CNTN4: variants seen among roughly 807,000 people sequenced by gnomAD.
CNTN4 encodes contactin-4.
A neutral mutation model predicts 122.5 loss-of-function variants in CNTN4; 77 were observed. That is an observed-to-expected ratio of 0.63 (90% CI 0.52 to 0.76). The LOEUF (loss-of-function observed/expected upper bound fraction) is 0.76. Among genes scored for constraint, CNTN4 ranks in the 30% least tolerant of loss-of-function variants. CNTN4 has a pLI of 0.00. For missense variants in CNTN4, 1,256 were observed against 1,259.1 expected (o/e 1.00, Z 0.04); for synonymous variants, 512 against 447.0 (o/e 1.15, Z -1.83).
chr3:2,693,974 T>C (rs2085879484), intron 4 of CNTN4, among the ~76,000 whole-genome samples: 1 of 152,174 alleles, frequency 6.6e-6, no homozygotes, highest in South Asian at 2.1e-4. Context: ...TCTAGGTGCC[T>C]TTCATCTTCC....
chr3:2,113,972 C>T (rs1018446278), intron 2 of CNTN4, among the ~76,000 whole-genome samples: 6 of 152,146 alleles, frequency 3.9e-5, no homozygotes, highest in Non-Finnish European at 5.9e-5. Context: ...AGAGTTCTTG[C>T]ATATACATAT....
intron 3 of CNTN4, among the ~76,000 whole-genome samples, chr3:2,557,601 C>G (rs1044955276): frequency 4.6e-5 from 7 of 151,904 alleles, no homozygotes; most frequent in Non-Finnish European, 8.8e-5. Flanking sequence ...TGGTGGCGGG[C>G]GCCTGTAGTT....
intron 14 of CNTN4, among the ~76,000 whole-genome samples, chr3:3,020,886 T>C (rs538860444): frequency 6.6e-6 from 1 of 152,374 alleles, no homozygotes; most frequent in East Asian, 1.9e-4. Flanking sequence ...CTAACCCAGG[T>C]ATACTAATGT....
At chr3:2,826,288 T>C (rs942007884) in intron 7 of CNTN4, among the ~76,000 whole-genome samples, 1 of 152,164 alleles carries the variant, frequency 6.6e-6, no homozygotes, top group African/African-American at 2.4e-5. Context: ...AATTTTAATA[T>C]GCAGCCAGGG....
chr3:2,701,296 C>T (rs779342089), intron 4 of CNTN4, among the ~76,000 whole-genome samples: 9 of 152,144 alleles, frequency 5.9e-5, no homozygotes, highest in Non-Finnish European at 8.8e-5. Context: ...ATTATGGTTA[C>T]TGATCTTGGT....
At chr3:2,548,909 T>C (rs769570664) in intron 3 of CNTN4, among the ~76,000 whole-genome samples, 6 of 152,106 alleles carry the variant, frequency 3.9e-5, no homozygotes, top group Non-Finnish European at 7.4e-5. Flanking sequence ...GTAAGGTGTA[T>C]TCCTAGGTAT....
chr3:2,160,663 G>C (rs896054042), intron 2 of CNTN4, among the ~76,000 whole-genome samples: 1 of 152,086 alleles, frequency 6.6e-6, no homozygotes, highest in Non-Finnish European at 1.5e-5. Flanking sequence ...TCATCACACA[G>C]CTCTAGCAAT....
At chr3:2,710,916 G>A (rs983857197) in intron 4 of CNTN4, among the ~76,000 whole-genome samples, 2 of 152,156 alleles carry the variant, frequency 1.3e-5, no homozygotes, top group South Asian at 2.1e-4. Flanking sequence ...GCATGAAAAT[G>A]TACTTGACCC....
Position 2,618,751 on chromosome 3 carries a change from A to G in CNTN4, c.55+47193A>G, listed in dbSNP as rs576580710. On this transcript the variant is annotated intron_variant, in intron 4 of 24. Transcript: ENST00000418658. ...TATCATATGGCTTCAATTGTTTATC[A>G]TTAGTGAAACCTACAATGTTTCATT... Among the ~76,000 whole-genome samples, 5 of 152,312 alleles carry G rather than the reference A, an allele frequency of 3.3e-5. No individual in the cohort carries two copies. In the South Asian group the frequency reaches 1.0e-3, roughly 32 times the overall value.
intron 4 of CNTN4, among the ~76,000 whole-genome samples, chr3:2,647,491 A>G (rs2083181985): frequency 1.3e-5 from 2 of 152,180 alleles, no homozygotes; most frequent in Admixed American, 6.5e-5. Context: ...TTTCAAAGCT[A>G]TACTTTTATT....
chr3:2,112,094 T>C (rs1450427434), intron 2 of CNTN4, among the ~76,000 whole-genome samples: 1 of 152,030 alleles, frequency 6.6e-6, no homozygotes, highest in Non-Finnish European at 1.5e-5. Flanking sequence ...TGAGATGAGA[T>C]TAGCACTATT....
At chr3:2,436,088 G>T (rs2048248139) in intron 3 of CNTN4, among the ~76,000 whole-genome samples, 1 of 152,154 alleles carries the variant, frequency 6.6e-6, no homozygotes, top group Non-Finnish European at 1.5e-5. Flanking sequence ...TGCTTTGAGA[G>T]AGCAGTAGCT....
At chr3:2,518,311 A>T (rs1230501903) in intron 3 of CNTN4, among the ~76,000 whole-genome samples, 1 of 152,142 alleles carries the variant, frequency 6.6e-6, no homozygotes, top group East Asian at 1.9e-4. Flanking sequence ...TGTCTAAATG[A>T]TACGTTGATT....
At chr3:2,275,881 C>T (rs902396179) in intron 2 of CNTN4, among the ~76,000 whole-genome samples, 9 of 141,994 alleles carry the variant, frequency 6.3e-5, no homozygotes, top group African/African-American at 2.4e-4. Context: ...GATTGTGCCA[C>T]TGCACTCCAG....
chr3:2,557,080 T>G (rs537738293), intron 3 of CNTN4, among the ~76,000 whole-genome samples: 211 of 152,328 alleles, frequency 1.4e-3, no homozygotes, highest in Non-Finnish European at 2.6e-3. Flanking sequence ...TGAAATAGCG[T>G]CAGTCTCAAA....
At chr3:2,349,460 A>C (rs1666342) in intron 3 of CNTN4, among the ~76,000 whole-genome samples, 430 of 152,186 alleles carry the variant, frequency 2.8e-3, no homozygotes, top group Non-Finnish European at 5.1e-3. Flanking sequence ...GAAGAACACA[A>C]TGTAATTCCC....
intron 7 of CNTN4, among the ~76,000 whole-genome samples, chr3:2,866,180 T>C (rs2150826646): frequency 6.6e-6 from 1 of 152,316 alleles, no homozygotes; most frequent in African/African-American, 2.4e-5. Flanking sequence ...TCAGGAATTA[T>C]TCTGTTTCTA....
intron 12 of CNTN4, among the ~76,000 whole-genome samples, chr3:2,917,290 G>GA (rs2094377378): frequency 6.6e-6 from 1 of 151,928 alleles, no homozygotes; most frequent in South Asian, 2.1e-4. Flanking sequence ...ACCGTGGAAA[G>GA]CGGGAGGCGG....
At chr3:2,151,365 C>T (rs1210453609) in intron 2 of CNTN4, among the ~76,000 whole-genome samples, 1 of 152,134 alleles carries the variant, frequency 6.6e-6, no homozygotes. Context: ...AGGGAGGCAG[C>T]TAAGAGACTC....
Sources: allele counts gnomAD v4.1 joint callset (sites outside exome capture counted in the v4.1 genomes callset), GRCh38; gene constraint gnomAD v4.1.1; transcripts MANE v1.5; gene names NCBI Gene and HGNC (gene_info 2026-07-23, HGNC 2026-07-21).